Variants in LDLRAD4 observed in about 807,000 individuals in gnomAD.
The protein encoded by LDLRAD4 is low density lipoprotein receptor class A domain containing 4.
Under a neutral mutation model 17.0 loss-of-function variants are expected in LDLRAD4, and 5 were observed. The observed-to-expected ratio is 0.29, with a 90% CI of 0.15 to 0.62. The LOEUF (loss-of-function observed/expected upper bound fraction) is 0.62. Ranked by LOEUF, LDLRAD4 falls within the 20% of genes least tolerant of loss-of-function variation. LDLRAD4 has a pLI of 0.84. For missense variants in LDLRAD4, 340 were observed against 424.7 expected, an observed-to-expected ratio of 0.80 and a Z score of 1.75; for synonymous variants, 168 against 171.8, an observed-to-expected ratio of 0.98 and a Z score of 0.17.
chr18:13,564,390 C>T (rs1390801011), intron 3 of LDLRAD4, among the ~76,000 whole-genome samples: 3 of 86,676 alleles, frequency 3.5e-5, no homozygotes, highest in South Asian at 5.4e-4. Flanking sequence ...CTTGCCAGCG[C>T]GTATACTGAA....
At position 13,412,051 on chromosome 18, in the gene LDLRAD4, C is replaced by G. The variant is rs148100780; in HGVS notation, c.40+24289C>G. 7.6e-3 allele frequency among the ~76,000 whole-genome samples: 1,157 copies of G among 152,192 alleles called. 17 individuals carry two copies. The highest frequency in any genetic ancestry group is 0.055 in the East Asian group (285 of 5,184). On this transcript the variant is annotated intron_variant, in intron 2 of 5. Coordinates refer to ENST00000359446, the Ensembl canonical transcript of LDLRAD4. ...TAGAGATAGGGTCTCACTATGTTGC[C>G]CAGGCTGGTCTCAAACTCCTGGACT...
At chr18:13,293,009 C>T (rs890750160) in intron 1 of LDLRAD4, among the ~76,000 whole-genome samples, 8 of 152,194 alleles carry the variant, frequency 5.3e-5, no homozygotes, top group African/African-American at 1.4e-4. Context: ...TTCTGGGGCT[C>T]GAGCACCACG....
At chr18:13,364,708 C>T (rs761902207) in intron 1 of LDLRAD4, among the ~76,000 whole-genome samples, 57 of 152,234 alleles carry the variant, frequency 3.7e-4, no homozygotes, top group Admixed American at 7.9e-4. Context: ...TTTGAAAATC[C>T]TCAGTGGACG....
At chr18:13,404,740 G>A (rs1049673476) in intron 2 of LDLRAD4, among the ~76,000 whole-genome samples, 129 of 151,944 alleles carry the variant, frequency 8.5e-4, no homozygotes, top group Non-Finnish European at 1.7e-3. Context: ...GGAGCTTGCA[G>A]TGAGCCGAGA....
intron 3 of LDLRAD4, among the ~76,000 whole-genome samples, chr18:13,494,034 A>G (rs1268893836): frequency 6.6e-6 from 1 of 152,230 alleles, no homozygotes; most frequent in Non-Finnish European, 1.5e-5. Context: ...TGGCCATCCC[A>G]CAGTGCCTCC....
At chr18:13,530,389 T>A (rs959653239) in intron 3 of LDLRAD4, among the ~76,000 whole-genome samples, 2 of 152,224 alleles carry the variant, frequency 1.3e-5, no homozygotes, top group Non-Finnish European at 2.9e-5. Context: ...TTAGAGGAGA[T>A]GATGGGGTCA....
intron 2 of LDLRAD4, among the ~76,000 whole-genome samples, chr18:13,416,279 T>C (rs1273067627): frequency 6.6e-6 from 1 of 152,230 alleles, no homozygotes. Context: ...CAGCCAAGTG[T>C]GGGGTACCCA....
At chr18:13,397,336 A>G (rs2086787472) in intron 2 of LDLRAD4, among the ~76,000 whole-genome samples, 3 of 151,992 alleles carry the variant, frequency 2.0e-5, no homozygotes, top group Non-Finnish European at 4.4e-5. Flanking sequence ...GTAGAGACAG[A>G]GTTTCACCCT....
At chr18:13,345,745 T>A (rs1447793193) in intron 1 of LDLRAD4, among the ~76,000 whole-genome samples, 3 of 152,162 alleles carry the variant, frequency 2.0e-5, no homozygotes. Context: ...TATTATTGCC[T>A]CAATTTCAGA....
intron 1 of LDLRAD4, among the ~76,000 whole-genome samples, chr18:13,288,890 C>T (rs1468335945): frequency 6.6e-6 from 1 of 152,236 alleles, no homozygotes; most frequent in African/African-American, 2.4e-5. Flanking sequence ...GCATGAGGAC[C>T]TCCTGATATG....
At chr18:13,259,005 A>G (rs984790120) in intron 1 of LDLRAD4, among the ~76,000 whole-genome samples, 1 of 152,226 alleles carries the variant, frequency 6.6e-6, no homozygotes, top group Admixed American at 6.5e-5. Flanking sequence ...TTCATTGAGT[A>G]TTTAGGTCAA....
intron 2 of LDLRAD4, among the ~76,000 whole-genome samples, chr18:13,391,563 A>G (rs146172678): frequency 4.5e-4 from 68 of 152,372 alleles, no homozygotes; most frequent in African/African-American, 1.6e-3. Context: ...TTCTCAGCAT[A>G]TGCAATTTAG....
intron 3 of LDLRAD4, among the ~76,000 whole-genome samples, chr18:13,493,843 T>C (rs2093407946): frequency 1.3e-5 from 2 of 152,208 alleles, no homozygotes; most frequent in African/African-American, 4.8e-5. Flanking sequence ...TCCAGCCCCG[T>C]GGTCCTTGTC....
chr18:13,284,323 G>A (rs956910058), intron 1 of LDLRAD4, among the ~76,000 whole-genome samples: 5 of 152,098 alleles, frequency 3.3e-5, no homozygotes, highest in Non-Finnish European at 4.4e-5. Flanking sequence ...GTCTCCGCCT[G>A]CTTGTTGGAT....
intron 2 of LDLRAD4, among the ~76,000 whole-genome samples, chr18:13,434,742 C>A (rs900308315): frequency 6.6e-6 from 1 of 152,232 alleles, no homozygotes; most frequent in African/African-American, 2.4e-5. Context: ...CAGCAATTAT[C>A]CAAATACCTG....
intron 1 of LDLRAD4, among the ~76,000 whole-genome samples, chr18:13,267,834 C>T (rs955219581): frequency 1.1e-4 from 17 of 152,360 alleles, no homozygotes; most frequent in Non-Finnish European, 1.9e-4. Flanking sequence ...GAGTCACCCA[C>T]TGTCCTTCCT....
intron 3 of LDLRAD4, among the ~76,000 whole-genome samples, chr18:13,478,467 A>G (rs1348346964): frequency 4.6e-5 from 7 of 152,230 alleles, no homozygotes; most frequent in Non-Finnish European, 4.4e-5. Context: ...GCTTGGCTTC[A>G]CATTGCTTTT....
intron 3 of LDLRAD4, chr18:13,542,576 G>T (rs542933533): frequency 1.3e-5 from 2 of 152,158 alleles, no homozygotes; most frequent in Non-Finnish European, 2.9e-5. Context: ...TCAGCCTCCC[G>T]TCCCCTACCG....
intron 1 of LDLRAD4, among the ~76,000 whole-genome samples, chr18:13,285,731 G>A (rs1161124469): frequency 6.6e-6 from 1 of 152,098 alleles, no homozygotes; most frequent in Non-Finnish European, 1.5e-5. Flanking sequence ...TTGAAACTCG[G>A]GGGTTGTGGT....
Sources: allele counts gnomAD v4.1 joint callset (sites outside exome capture counted in the v4.1 genomes callset), GRCh38; gene constraint gnomAD v4.1.1; transcripts MANE v1.5; gene names NCBI Gene and HGNC (gene_info 2026-07-23, HGNC 2026-07-21).